The following PBX2 variants were observed in gnomAD, a reference collection of about 807,000 sequenced individuals.
PBX2 encodes the protein pre-B-cell leukemia transcription factor 2.
Under a neutral mutation model 46.5 loss-of-function variants are expected in PBX2, and 10 were observed. The ratio of observed to expected loss-of-function variants is 0.21; its 90% CI spans 0.13 to 0.36. The LOEUF (loss-of-function observed/expected upper bound fraction) is 0.36. Among genes scored for constraint, PBX2 ranks in the 10% least tolerant of loss-of-function variants. The pLI is 1.00. For synonymous variants in PBX2, 160 were observed against 222.5 expected (o/e 0.72, Z 2.50); for missense variants, 392 against 580.5 (o/e 0.68, Z 3.34).
rs1178941337 is a variant in PBX2 at position 32,187,388 on chromosome 6, T to C, written c.878A>G (p.Asn293Ser). 1.9e-6 allele frequency: 3 copies of C among 1,612,916 alleles called. No homozygotes were observed. The highest frequency in any genetic ancestry group is 1.7e-5 in the Admixed American group (1 of 59,996). ...GCGAATCCTCTTGTTGCCAAACCAG[T>C]TGGAGACCTGTGGGGCAGAAAGGAG... Reference protein sequence around the residue: ...KCGITVSQVSNWFGNKRIRYK... With the variant: ...KCGITVSQVSSWFGNKRIRYK... The change falls in exon 6 of 9, where the codon AAC (asparagine) becomes AGC (serine). Residue 293 changes from asparagine (N) to serine (S), a missense_variant. Around this residue, in one of 3 missense-constraint regions of PBX2, gnomAD observed 80 missense variants for 175.7 expected, o/e 0.46. Transcript: ENST00000375050. This position sits in a 1 kb window ranked among gnomAD's most constrained non-coding sequence, Gnocchi z 7.7.
In PBX2 at chr6:32,186,288, G is replaced by T; in HGVS notation, c.*94C>A. On this transcript the variant is annotated 3_prime_UTR_variant, in exon 9 of 9. Coordinates refer to ENST00000375050, the MANE Select transcript of PBX2 (RefSeq NM_002586.5). This position sits in a 1 kb window ranked among gnomAD's most constrained non-coding sequence, Gnocchi z 4.2. ...CCCCATTGGCCCTTCTCTGTCTTGTGCTTCTCCTGTATTGGGGTTTGTCCT... is the reference window on the plus strand; with the variant it reads ...CCCCATTGGCCCTTCTCTGTCTTGTTCTTCTCCTGTATTGGGGTTTGTCCT... 1.2e-6 allele frequency: 1 copy of T among 815,768 alleles called. No individual in the cohort carries two copies. Among genetic ancestry groups the T allele is most frequent in the Non-Finnish European group, 2.1e-6 (1 of 484,298 alleles). 50.5% of individuals were successfully genotyped at this position (815,768 alleles called of 1,614,324 possible).
chr6:32,187,190 A>G lies in PBX2; in HGVS notation c.1024+52T>C. The G allele has an allele frequency of 1.2e-6, 2 of 1,607,670 alleles. No homozygotes were observed. Among genetic ancestry groups the G allele is most frequent in the Non-Finnish European group, 1.7e-6 (2 of 1,176,868 alleles). On this transcript the variant is annotated intron_variant, in intron 6 of 8. Coordinates refer to ENST00000375050, the MANE Select transcript of PBX2 (RefSeq NM_002586.5). This position sits in a 1 kb window ranked among gnomAD's most constrained non-coding sequence, Gnocchi z 7.7. ...GATCCTGCCTAGATAGGAAGTGGGA[A>G]CAAAAGCAGGAAGTGTGCAAAACAG...
rs1232387743 is a variant in PBX2, at chr6:32,188,568, G to A, written c.296-64C>T. ...CCAATACCCAGTGCTCAGTCCTCCTGGTGCTTCCTGGAGAGCCAAGTTCCC... is the reference window on the plus strand; with the variant it reads ...CCAATACCCAGTGCTCAGTCCTCCTAGTGCTTCCTGGAGAGCCAAGTTCCC... On this transcript the variant is annotated intron_variant, in intron 2 of 8. Coordinates refer to ENST00000375050, the MANE Select transcript of PBX2 (RefSeq NM_002586.5). This position sits in a 1 kb window ranked among gnomAD's most constrained non-coding sequence, Gnocchi z 6.5. The A allele has an allele frequency of 6.3e-7, 1 of 1,587,278 alleles. No individual in the cohort carries two copies. Among genetic ancestry groups the A allele is most frequent in the Non-Finnish European group, 8.6e-7 (1 of 1,164,606 alleles).
Position 32,187,230 on chromosome 6 carries a change from A to G in PBX2, c.1024+12T>C, listed in dbSNP as rs1254326083. 4 of 1,612,396 alleles carry G rather than the reference A, an allele frequency of 2.5e-6. No homozygotes were observed. In the African/African-American group the frequency reaches 5.3e-5, roughly 22 times the overall value. ...GTGCAAAACAGTCAGCCGGGGTGAC[A>G]GTGGGATCCACCTGCAGAGGAAGGG... On this transcript the variant is annotated intron_variant, in intron 6 of 8. Coordinates refer to ENST00000375050, the MANE Select transcript of PBX2 (RefSeq NM_002586.5). This position sits in a 1 kb window ranked among gnomAD's most constrained non-coding sequence, Gnocchi z 7.7.
chr6:32,186,185 A>G lies in PBX2; in HGVS notation c.*197T>C, dbSNP rs1478417361. 8.4e-6 allele frequency: 5 copies of G among 595,162 alleles called. No individual in the cohort carries two copies. Among genetic ancestry groups the G allele is most frequent in the African/African-American group, 7.5e-5 (4 of 53,494 alleles). The allele number at this position is 595,162 out of a possible 1,614,324, so 36.9% of individuals were successfully genotyped here. A position where few individuals can be genotyped will look rare whatever the true frequency, so the allele number is the denominator to read the frequency against. ...GAAAAAAGGGAGAGACAGACCCCAC[A>G]CTCCCCTTAGAGGCCCCATTCTTCC... On this transcript the variant is annotated 3_prime_UTR_variant, in exon 9 of 9. Coordinates refer to ENST00000375050, the MANE Select transcript of PBX2 (RefSeq NM_002586.5). This position sits in a 1 kb window ranked among gnomAD's most constrained non-coding sequence, Gnocchi z 4.2.
chr6:32,188,588 G>C lies in PBX2; in HGVS notation c.296-84C>G, dbSNP rs1787251580. On this transcript the variant is annotated intron_variant, in intron 2 of 8. Coordinates refer to ENST00000375050, the MANE Select transcript of PBX2 (RefSeq NM_002586.5). This position sits in a 1 kb window ranked among gnomAD's most constrained non-coding sequence, Gnocchi z 6.5. ...CTCCTGGTGCTTCCTGGAGAGCCAAGTTCCCAGGCTTTGGTTCCTTCCCCA... is the reference window on the plus strand; with the variant it reads ...CTCCTGGTGCTTCCTGGAGAGCCAACTTCCCAGGCTTTGGTTCCTTCCCCA... 6.3e-7 allele frequency: 1 copy of C among 1,577,814 alleles called. No homozygotes were observed. Among genetic ancestry groups the C allele is most frequent in the Non-Finnish European group, 8.6e-7 (1 of 1,158,560 alleles).
At position 32,189,329 on chromosome 6, in the gene PBX2, G is replaced by A. The variant is rs1281064256; in HGVS notation, c.221+366C>T. Among the ~76,000 whole-genome samples, 1 of 152,064 alleles carries A rather than the reference G, an allele frequency of 6.6e-6. No homozygotes were observed. Among genetic ancestry groups the A allele is most frequent in the Non-Finnish European group, 1.5e-5 (1 of 67,976 alleles). ...AGAGGGTGTGGAGGTCTCCACATCTGGAGAGAATGAGGGGGCTGGGTGGAG... is the reference window on the plus strand; with the variant it reads ...AGAGGGTGTGGAGGTCTCCACATCTAGAGAGAATGAGGGGGCTGGGTGGAG... On this transcript the variant is annotated intron_variant, in intron 1 of 8. Transcript: ENST00000375050. The surrounding 1 kb of genome is among the most constrained non-coding windows in gnomAD (Gnocchi z 4.7).
In PBX2 at chr6:32,186,246, C is replaced by T. The variant is rs1190133529; in HGVS notation, c.*136G>A. On this transcript the variant is annotated 3_prime_UTR_variant, in exon 9 of 9. Transcript: ENST00000375050. This position sits in a 1 kb window ranked among gnomAD's most constrained non-coding sequence, Gnocchi z 4.2. ...TTAGCACCCCCAGCACAGAGAGTCT[C>T]GTTAGGGAGGGGATGACCCCATTGG... 69 of 646,738 alleles carry T rather than the reference C, an allele frequency of 1.1e-4. 1 individual carries two copies. In the South Asian group the frequency reaches 1.1e-3, roughly 10 times the overall value. 40.1% of individuals were successfully genotyped at this position (646,738 alleles called of 1,614,324 possible). A position where few individuals can be genotyped will look rare whatever the true frequency, so the allele number is the denominator to read the frequency against.
Position 32,187,845 on chromosome 6 carries a change from C to A in PBX2, c.735-63G>T. The A allele has an allele frequency of 6.3e-7, 1 of 1,591,264 alleles. No homozygotes were observed. Among genetic ancestry groups the A allele is most frequent in the Non-Finnish European group, 8.6e-7 (1 of 1,168,046 alleles). ...ATGTCCTGGCAGGGCTGTCACATGG[C>A]ATGACCCCAGAGTCACCATTGTCAT... On this transcript the variant is annotated intron_variant, in intron 4 of 8. Transcript: ENST00000375050. The surrounding 1 kb of genome is among the most constrained non-coding windows in gnomAD (Gnocchi z 7.7).
Position 32,186,420 on chromosome 6 carries a change from C to G in PBX2, c.1255G>C (p.Glu419Gln). 1.2e-6 allele frequency: 2 copies of G among 1,612,930 alleles called. No individual in the cohort carries two copies. The highest frequency in any genetic ancestry group is 1.7e-6 in the Non-Finnish European group (2 of 1,179,566). ...VTPSSVTSPTEGPGSVHSDTS... is the reference protein window; with the variant it reads ...VTPSSVTSPTQGPGSVHSDTS... Reference sequence around the variant, plus strand: ...TCAGAGTGAACACTCCCTGGTCCCTCCGTTGGGGATGTCACTGAAGAGGGG... The same window carrying G: ...TCAGAGTGAACACTCCCTGGTCCCTGCGTTGGGGATGTCACTGAAGAGGGG... Residue 419 changes from glutamate (E) to glutamine (Q), a missense_variant, in exon 9 of 9, where the codon GAG (glutamate) becomes CAG (glutamine). This residue lies in a region of PBX2 where 116 missense variants were observed against 157.9 expected (regional missense o/e 0.73). Transcript: ENST00000375050. This position sits in a 1 kb window ranked among gnomAD's most constrained non-coding sequence, Gnocchi z 4.2.
rs1787146753 is a variant in PBX2, at chr6:32,186,488, C to A, written c.1201-14G>T. On this transcript the variant is annotated splice_polypyrimidine_tract_variant and intron_variant, in intron 8 of 8. Transcript: ENST00000375050. The surrounding 1 kb of genome is among the most constrained non-coding windows in gnomAD (Gnocchi z 4.2). ...GCTGCCATTTGCCTGAAAGGAGAGA[C>A]AGAGTACAGAAAACAGAGAAAGCCC... is the stretch of plus-strand genomic sequence containing the variant. The A allele has an allele frequency of 1.2e-6, 2 of 1,611,610 alleles. No individual in the cohort carries two copies. Among genetic ancestry groups the A allele is most frequent in the Admixed American group, 3.3e-5 (2 of 60,004 alleles).
In PBX2 at chr6:32,188,404, T is replaced by C. The variant is rs1187928746; in HGVS notation, c.396A>G (p.Lys132=). The change falls in exon 3 of 9, where the codon AAA becomes AAG. Residue 132 remains lysine, a synonymous_variant. Transcript: ENST00000375050. This position sits in a 1 kb window ranked among gnomAD's most constrained non-coding sequence, Gnocchi z 6.5. ...CAGCTGCTGCTGCTGAGCCGCCCCC[T>C]TTCTCGGGCCCAGCCACACCCTCTG... The part of the protein sequence containing the change: ...LLAEGVAGPE[K]GGGSAAAAAA... 6 of 1,614,058 alleles carry C rather than the reference T, an allele frequency of 3.7e-6. No individual in the cohort carries two copies. The highest frequency in any genetic ancestry group is 1.1e-5 in the South Asian group (1 of 91,080).
rs1349167548 is a variant in PBX2, at chr6:32,187,988, G to A, written c.712C>T (p.Arg238Cys). 3 of 1,567,622 alleles carry A rather than the reference G, an allele frequency of 1.9e-6. No individual in the cohort carries two copies. Among genetic ancestry groups the A allele is most frequent in the Admixed American group, 1.8e-5 (1 of 54,212 alleles). ...QSTCEAVMIL[R>C]SRFLDARRKR... ...CACCTGGCATCCAGGAAACGGGAGC[G>A]CAGGATCATCACAGCCTCGCAGGTG... The change falls in exon 4 of 9, where the codon CGC becomes TGC. Residue 238 changes from arginine to cysteine, a missense_variant. By Grantham distance (180) the Arg-to-Cys change is radical. This residue lies in a region of PBX2 where 80 missense variants were observed against 175.7 expected (regional missense o/e 0.46). Coordinates refer to ENST00000375050, the MANE Select transcript of PBX2 (RefSeq NM_002586.5). The surrounding 1 kb of genome is among the most constrained non-coding windows in gnomAD (Gnocchi z 7.7).
At position 32,188,582 on chromosome 6, in the gene PBX2, A is replaced by G; in HGVS notation, c.296-78T>C. ...TCAGTCCTCCTGGTGCTTCCTGGAG[A>G]GCCAAGTTCCCAGGCTTTGGTTCCT... On this transcript the variant is annotated intron_variant, in intron 2 of 8. Transcript: ENST00000375050. This position sits in a 1 kb window ranked among gnomAD's most constrained non-coding sequence, Gnocchi z 6.5. 1 of 1,577,508 alleles carries G rather than the reference A, an allele frequency of 6.3e-7. No individual in the cohort carries two copies. Among genetic ancestry groups the G allele is most frequent in the Admixed American group, 1.8e-5 (1 of 56,206 alleles).
Position 32,187,432 on chromosome 6 carries a change from G to C in PBX2, c.871-37C>G. On this transcript the variant is annotated intron_variant, in intron 5 of 8. Transcript: ENST00000375050. The surrounding 1 kb of genome is among the most constrained non-coding windows in gnomAD (Gnocchi z 7.7). ...AAAGGAGGGTCAGGTAGAAACATTT[G>C]CCTCTGAAGTCCTTCACTGAATAAG... 4 of 1,606,182 alleles carry C rather than the reference G, an allele frequency of 2.5e-6. No individual in the cohort carries two copies. In the African/African-American group the frequency reaches 4.0e-5, roughly 16 times the overall value.
In PBX2 at chr6:32,186,357, ACCC is replaced by A; in HGVS notation, c.*22_*24del. The A allele has an allele frequency of 6.6e-7, 1 of 1,519,096 alleles. No individual in the cohort carries two copies. The highest frequency in any genetic ancestry group is 2.3e-5 in the East Asian group (1 of 44,414). The allele number at this position is 1,519,096 out of a possible 1,614,324, so 94.1% of individuals were successfully genotyped here. A position where few individuals can be genotyped will look rare whatever the true frequency, so the allele number is the denominator to read the frequency against. On this transcript the variant is annotated 3_prime_UTR_variant, in exon 9 of 9. Transcript: ENST00000375050. This position sits in a 1 kb window ranked among gnomAD's most constrained non-coding sequence, Gnocchi z 4.2. ...TTCAAGTCGCCTTGTGAGAGCCCCC[ACCC>A]CTGTGACCCTGAGGGGCAAGATCAG...
rs771349224 is a variant in PBX2 at position 32,189,718 on chromosome 6, C to G, written c.198G>C (p.Gln66His). ...ACTTGGCCTGGGCCTCGTCCAGGCT[C>G]TGGTCGGTGATGGTCATTATCTGCT... Reference protein sequence around the residue: ...ILQQIMTITDQSLDEAQAKKH... With the variant: ...ILQQIMTITDHSLDEAQAKKH... The change falls in exon 1 of 9, where the codon CAG becomes CAC. Residue 66 changes from glutamine (Q) to histidine (H), a missense_variant. By Grantham distance (24) the Gln-to-His change is conservative. Coordinates refer to ENST00000375050, the MANE Select transcript of PBX2 (RefSeq NM_002586.5). This position sits in a 1 kb window ranked among gnomAD's most constrained non-coding sequence, Gnocchi z 4.7. 1.2e-6 allele frequency: 2 copies of G among 1,610,136 alleles called. No homozygotes were observed. The highest frequency in any genetic ancestry group is 1.1e-5 in the South Asian group (1 of 91,006).
rs573365680 is a variant in PBX2 at position 32,189,522 on chromosome 6, G to A, written c.221+173C>T. Among the ~76,000 whole-genome samples the A allele has an allele frequency of 6.6e-6, 1 of 152,162 alleles. No homozygotes were observed. The highest frequency in any genetic ancestry group is 2.4e-5 in the African/African-American group (1 of 41,492). ...TCTGTGAAGGTTTCAGGGCCTGGGG[G>A]TGAAGGGAGGTTTGAGAGGGATCAC... is the stretch of plus-strand genomic sequence containing the variant. On this transcript the variant is annotated intron_variant, in intron 1 of 8. Transcript: ENST00000375050. The surrounding 1 kb of genome is among the most constrained non-coding windows in gnomAD (Gnocchi z 4.7).
Position 32,189,793 on chromosome 6 carries a change from G to A in PBX2, c.123C>T (p.Ser41=), listed in dbSNP as rs1276040922. 1.3e-6 allele frequency: 2 copies of A among 1,597,890 alleles called. No homozygotes were observed. Among genetic ancestry groups the A allele is most frequent in the Non-Finnish European group, 8.5e-7 (1 of 1,172,674 alleles). ...TCCCTCGGCCTCCCGGGACCCCCCC[G>A]CTACCCCCACCGGGGTCTCCGCCAC... The part of the protein sequence containing the change: ...PPGGGDPGGG[S]GGVPGGRGKQ... The change falls in exon 1 of 9, where the codon AGC becomes AGT. Residue 41 remains serine (S), a synonymous_variant. Coordinates refer to ENST00000375050, the MANE Select transcript of PBX2 (RefSeq NM_002586.5). The surrounding 1 kb of genome is among the most constrained non-coding windows in gnomAD (Gnocchi z 4.7).
Sources: allele counts gnomAD v4.1 joint callset (sites outside exome capture counted in the v4.1 genomes callset), GRCh38; gene constraint gnomAD v4.1.1; regional missense constraint gnomAD v4.1.1; non-coding constraint Gnocchi (gnomAD v3.1); transcripts MANE v1.5; gene names NCBI Gene and HGNC (gene_info 2026-07-23, HGNC 2026-07-21).